The following NUMBL variants were observed in gnomAD, a reference collection of about 807,000 sequenced individuals.
NUMBL encodes NUMB like endocytic adaptor protein.
A neutral mutation model predicts 48.9 loss-of-function variants in NUMBL; 20 were observed. The observed-to-expected ratio is 0.41, with a 90% CI of 0.29 to 0.59. The LOEUF (loss-of-function observed/expected upper bound fraction) is 0.59, where lower values mean the gene tolerates loss of function less well. Among genes scored for constraint, NUMBL ranks in the 20% least tolerant of loss-of-function variants. NUMBL has a pLI of 0.31. For synonymous variants in NUMBL, 340 were observed against 348.7 expected (o/e 0.98, Z 0.28); for missense variants, 660 against 846.2 (o/e 0.78, Z 2.73).
Position 40,673,779 on chromosome 19 carries a change from A to G in NUMBL, c.731-130T>C. 1.1e-6 allele frequency: 1 copy of G among 874,598 alleles called. No homozygotes were observed. Among genetic ancestry groups the G allele is most frequent in the Non-Finnish European group, 1.7e-6 (1 of 595,028 alleles). The allele number at this position is 874,598 out of a possible 1,614,324, so 54.2% of individuals were successfully genotyped here. A position where few individuals can be genotyped will look rare whatever the true frequency, so the allele number is the denominator to read the frequency against. ...GTGAGTCCTGCCCTTAAGACAAGCT[A>G]GTCAAAGCCCTGAGATATCCCTCAC... On this transcript the variant is annotated intron_variant, in intron 7 of 9. Coordinates refer to ENST00000252891, the MANE Select transcript of NUMBL (RefSeq NM_004756.5). The surrounding 1 kb of genome is among the most constrained non-coding windows in gnomAD (Gnocchi z 5.9).
At chr19:40,677,193 C>T in intron 7 of NUMBL, 39 bp downstream of exon 7, 1 of 1,544,648 alleles carries the variant, frequency 6.5e-7, no homozygotes, top group African/African-American at 1.4e-5. Flanking sequence ...GTACCCTGTG[C>T]CCACTCTGTG....
chr19:40,684,188 C>A, intron 3 of NUMBL: 1 of 493,140 alleles, frequency 2.0e-6, no homozygotes, highest in South Asian at 2.2e-5. Flanking sequence ...CCTGTCTCAG[C>A]CTCCCCAGTA....
chr19:40,667,134 A>G lies in NUMBL; in HGVS notation c.*334T>C, dbSNP rs1599898599. 2 of 330,786 alleles carry G rather than the reference A, an allele frequency of 6.0e-6. No individual in the cohort carries two copies. Among genetic ancestry groups the G allele is most frequent in the East Asian group, 1.6e-4 (2 of 12,290 alleles). The allele number at this position is 330,786 out of a possible 1,614,324, so 20.5% of individuals were successfully genotyped here. On this transcript the variant is annotated 3_prime_UTR_variant, in exon 10 of 10. Coordinates refer to ENST00000252891, the MANE Select transcript of NUMBL (RefSeq NM_004756.5). This position sits in a 1 kb window ranked among gnomAD's most constrained non-coding sequence, Gnocchi z 6.1. ...TGTCCAACACTGGAAGGTGGGGGTC[A>G]ACAGAAACTGGGAAATGGAGTGTGA...
rs113161981 is a variant in NUMBL at position 40,684,171 on chromosome 19, C to A, written c.249+246G>T. 3.9e-3 allele frequency: 1,685 copies of A among 434,970 alleles called. 30 individuals are homozygous for A. Among genetic ancestry groups the A allele is most frequent in the African/African-American group, 0.032 (1,481 of 45,666 alleles). The allele number at this position is 434,970 out of a possible 1,614,324, so 26.9% of individuals were successfully genotyped here. On this transcript the variant is annotated intron_variant, in intron 3 of 9. Transcript: ENST00000252891. ...GCAATCTCCGCCTCCCGGGTTCAAG[C>A]GATTCTCCTGTCTCAGCCTCCCCAG...
intron 8 of NUMBL, among the ~76,000 whole-genome samples, chr19:40,670,961 TTTC>T (rs2081844497): frequency 1.3e-5 from 2 of 152,064 alleles, no homozygotes; most frequent in Admixed American, 6.6e-5. Context: ...TCTGAGTGTG[TTTC>T]TTTTTTAAAA....
Position 40,687,936 on chromosome 19 carries a change from TACTC to T in NUMBL, c.25-945_25-942del, listed in dbSNP as rs1217788316. Among the ~76,000 whole-genome samples, 2 of 152,118 alleles carry T rather than the reference TACTC, an allele frequency of 1.3e-5. No homozygotes were observed. The highest frequency in any genetic ancestry group is 2.1e-4 in the South Asian group (1 of 4,828). On this transcript the variant is annotated intron_variant, in intron 1 of 9. Transcript: ENST00000252891. This position sits in a 1 kb window ranked among gnomAD's most constrained non-coding sequence, Gnocchi z 4.6. Reference sequence around the variant, plus strand: ...CCACACACTGTCACGTGGTCACACATACTCAGTCATAGGTGCTCAAATCTGGTCA... The same window carrying T: ...CCACACACTGTCACGTGGTCACACATAGTCATAGGTGCTCAAATCTGGTCA...
Position 40,686,945 on chromosome 19 carries a change from G to T in NUMBL, c.75C>A (p.Ala25=). ...ERHLPPAPCG[A]PGPPETCRTE... is the part of the protein sequence containing the mutation. ...TCCTGCAGGTTTCTGGGGGCCCCGGGGCCCCACAGGGGGCTGGGGGCAGGT... is the reference window on the plus strand; with the variant it reads ...TCCTGCAGGTTTCTGGGGGCCCCGGTGCCCCACAGGGGGCTGGGGGCAGGT... Residue 25 remains alanine (A), a synonymous_variant, in exon 2 of 10, where the codon GCC becomes GCA. Coordinates refer to ENST00000252891, the MANE Select transcript of NUMBL (RefSeq NM_004756.5). 1 of 1,545,276 alleles carries T rather than the reference G, an allele frequency of 6.5e-7. No individual in the cohort carries two copies. Among genetic ancestry groups the T allele is most frequent in the Non-Finnish European group, 8.7e-7 (1 of 1,144,270 alleles).
At chr19:40,690,419 C>T (rs766898568) in intron 1 of NUMBL, 41 bp downstream of exon 1, 1 of 1,168,028 alleles carries the variant, frequency 8.6e-7, no homozygotes, top group African/African-American at 1.6e-5. Flanking sequence ...TCAGCAGCGG[C>T]GCCGCCCCCG....
intron 7 of NUMBL, among the ~76,000 whole-genome samples, chr19:40,674,382 C>T (rs1306763731): frequency 1.3e-5 from 2 of 152,170 alleles, no homozygotes; most frequent in African/African-American, 4.8e-5. Context: ...AGCCTGGCTC[C>T]CTCCACTCTG....
In NUMBL at chr19:40,667,567, A is replaced by G; in HGVS notation, c.1731T>C (p.Phe577=). 6.4e-7 allele frequency: 1 copy of G among 1,558,798 alleles called. No individual in the cohort carries two copies. The highest frequency in any genetic ancestry group is 1.4e-5 in the African/African-American group (1 of 73,778). The change falls in exon 10 of 10, where the codon TTT becomes TTC. Residue 577 remains phenylalanine, a synonymous_variant. Transcript: ENST00000252891. The surrounding 1 kb of genome is among the most constrained non-coding windows in gnomAD (Gnocchi z 6.1). ...APAPAPELDP[F]EAQWAALEGK... is the part of the protein sequence containing the mutation. ...CTTCTAATGCCGCCCACTGGGCCTC[A>G]AAGGGGTCCAACTCTGGAGCTGGGG...
At chr19:40,670,154 A>G in intron 8 of NUMBL, 134 bp from the exon 9 acceptor site, 1 of 1,061,944 alleles carries the variant, frequency 9.4e-7, no homozygotes, top group African/African-American at 1.6e-5. Flanking sequence ...AGTGGCCATG[A>G]CCGCCAAATA....
rs774093585 is a variant in NUMBL at position 40,673,597 on chromosome 19, G to A, written c.783C>T (p.His261=). 26 of 1,531,878 alleles carry A rather than the reference G, an allele frequency of 1.7e-5. No homozygotes were observed. The highest frequency in any genetic ancestry group is 2.8e-5 in the African/African-American group (2 of 72,708). 94.9% of individuals were successfully genotyped at this position (1,531,878 alleles called of 1,614,324 possible). ...ATGTGGTGGCTGGTGTCGGGGACAC[G>A]TGCCCAGGCTGGGCAGGGCCAGGAG... ...TVAPGPAQPG[H]VSPTPATTSP... The change falls in exon 8 of 10, where the codon CAC becomes CAT. Residue 261 remains histidine, a synonymous_variant. Coordinates refer to ENST00000252891, the MANE Select transcript of NUMBL (RefSeq NM_004756.5). This position sits in a 1 kb window ranked among gnomAD's most constrained non-coding sequence, Gnocchi z 5.9.
chr19:40,673,408 G>A lies in NUMBL; in HGVS notation c.972C>T (p.Ser324=). The A allele has an allele frequency of 1.2e-6, 2 of 1,613,502 alleles. No homozygotes were observed. Among genetic ancestry groups the A allele is most frequent in the Admixed American group, 1.7e-5 (1 of 59,990 alleles). The part of the protein sequence containing the change: ...QKNSPFKRQL[S]LRLNELPSTL... ...TGGATGGCAGCTCATTCAGCCGTAG[G>A]CTCAGCTGCCGTTTGAAAGGCGAGT... Residue 324 remains serine (S), a synonymous_variant, in exon 8 of 10, where the codon AGC becomes AGT. Transcript: ENST00000252891. This position sits in a 1 kb window ranked among gnomAD's most constrained non-coding sequence, Gnocchi z 5.9.
At position 40,670,094 on chromosome 19, in the gene NUMBL, C is replaced by G; in HGVS notation, c.1037-74G>C. 2.0e-6 allele frequency: 3 copies of G among 1,533,760 alleles called. No individual in the cohort carries two copies. In the Admixed American group the frequency reaches 6.1e-5, roughly 31 times the overall value. ...CGCAGCCCCGCCCTCTACCCCCCGC[C>G]CTCGGTGGCCCTCTCTTCTGACCTG... On this transcript the variant is annotated intron_variant, in intron 8 of 9. Transcript: ENST00000252891.
rs775560955 is a variant in NUMBL, at chr19:40,677,382, C to A, written c.580G>T (p.Ala194Ser). The change falls in exon 7 of 10, where the codon GCC becomes TCC. Residue 194 changes from alanine to serine, a missense_variant. Around this residue, in one of 3 missense-constraint regions of NUMBL, gnomAD observed 278 missense variants for 420.6 expected, o/e 0.66. Coordinates refer to ENST00000252891, the MANE Select transcript of NUMBL (RefSeq NM_004756.5). ...CGTCGCTGTTTTCGCTCCAGGCAGG[C>A]GGCAAAAGCACAGCCCACAGCGTGG... ...LSHAVGCAFA[A>S]CLERKQRREK... The A allele has an allele frequency of 6.2e-7, 1 of 1,611,312 alleles. No homozygotes were observed. The highest frequency in any genetic ancestry group is 8.5e-7 in the Non-Finnish European group (1 of 1,179,910).
At position 40,684,353 on chromosome 19, in the gene NUMBL, C is replaced by CGCACA. The variant is rs543371959; in HGVS notation, c.249+59_249+63dup. On this transcript the variant is annotated intron_variant, in intron 3 of 9. Transcript: ENST00000252891. The stretch of plus-strand genomic sequence containing the variant: ...TGGTGTCCCAGCCAGGCCGCGCACC[C>CGCACA]GCACAGCACAGCACAGCGGCCCCCG... The CGCACA allele has an allele frequency of 2.5e-3, 3,740 of 1,498,836 alleles. 84 individuals carry two copies. In the African/African-American group the frequency reaches 0.045, roughly 18 times the overall value. 92.8% of individuals were successfully genotyped at this position (1,498,836 alleles called of 1,614,324 possible). A position where few individuals can be genotyped will look rare whatever the true frequency, so the allele number is the denominator to read the frequency against.
chr19:40,681,408 A>G (rs535895200), intron 5 of NUMBL, among the ~76,000 whole-genome samples: 5 of 152,288 alleles, frequency 3.3e-5, no homozygotes, highest in African/African-American at 1.2e-4. Flanking sequence ...CTAAGAAAAA[A>G]AGTCAAGGAA....
chr19:40,683,719 T>C (rs1302704881), intron 3 of NUMBL, among the ~76,000 whole-genome samples: 4 of 152,166 alleles, frequency 2.6e-5, no homozygotes, highest in Admixed American at 2.6e-4. Context: ...GCTTTGCAAA[T>C]GCTACACCAC....
chr19:40,678,898 C>T (rs1197767690), intron 6 of NUMBL, among the ~76,000 whole-genome samples: 1 of 152,140 alleles, frequency 6.6e-6, no homozygotes, highest in Non-Finnish European at 1.5e-5. Context: ...CGAGACCAGC[C>T]TGGCCAACAT....
Sources: allele counts gnomAD v4.1 joint callset (sites outside exome capture counted in the v4.1 genomes callset), GRCh38; gene constraint gnomAD v4.1.1; regional missense constraint gnomAD v4.1.1; non-coding constraint Gnocchi (gnomAD v3.1); transcripts MANE v1.5; gene names NCBI Gene and HGNC (gene_info 2026-07-23, HGNC 2026-07-21).